Variants in ZMYND8 observed in about 807,000 individuals in gnomAD.
ZMYND8 encodes the protein zinc finger MYND-type containing 8, also known as MYND-type zinc finger-containing chromatin reader ZMYND8.
A neutral mutation model predicts 140.8 loss-of-function variants in ZMYND8; 37 were observed. The ratio of observed to expected loss-of-function variants is 0.26; its 90% CI spans 0.20 to 0.35. The LOEUF is 0.35. Among genes scored for constraint, ZMYND8 ranks in the 10% least tolerant of loss-of-function variants. The probability of loss-of-function intolerance (pLI) is 1.00; values close to 1 mark genes in which losing one functional copy is unlikely to be tolerated. For synonymous variants in ZMYND8, 592 were observed against 597.1 expected, an observed-to-expected ratio of 0.99 and a Z score of 0.12; for missense variants, 1,068 against 1,570.0, an observed-to-expected ratio of 0.68 and a Z score of 5.40.
chr20:47,289,993 A>G (rs1357832499), intron 7 of ZMYND8, among the ~76,000 whole-genome samples, 194 bp downstream of exon 7: 1 of 152,270 alleles, frequency 6.6e-6, no homozygotes, highest in African/African-American at 2.4e-5. Context: ...AGCACCATGC[A>G]GCTGCAAGCC....
chr20:47,300,466 T>C (rs1601715751), intron 3 of ZMYND8, among the ~76,000 whole-genome samples: 2 of 152,342 alleles, frequency 1.3e-5, no homozygotes, highest in African/African-American at 2.4e-5. Context: ...ATACTACGAA[T>C]GGGGATTTAC....
intron 21 of ZMYND8, among the ~76,000 whole-genome samples, chr20:47,215,188 C>G (rs2035900479): frequency 6.6e-6 from 1 of 152,194 alleles, no homozygotes; most frequent in Non-Finnish European, 1.5e-5. Flanking sequence ...ACCTGGGCAA[C>G]ACGGTGAAAC....
chr20:47,217,162 A>T (rs1444874744), intron 21 of ZMYND8, among the ~76,000 whole-genome samples: 1 of 152,138 alleles, frequency 6.6e-6, no homozygotes, highest in African/African-American at 2.4e-5. Context: ...AGGTATAGAA[A>T]CAAGACAGTT....
chr20:47,312,627 T>C (rs1601825055), intron 2 of ZMYND8, among the ~76,000 whole-genome samples: 1 of 151,890 alleles, frequency 6.6e-6, no homozygotes, highest in Non-Finnish European at 1.5e-5. Context: ...ACTTTTGTAC[T>C]AAAAACACAA....
chr20:47,333,741 A>AAAAAC (rs2081159685), intron 2 of ZMYND8, among the ~76,000 whole-genome samples: 3 of 144,618 alleles, frequency 2.1e-5, no homozygotes, highest in African/African-American at 8.0e-5. Flanking sequence ...AAAAAAAAAA[A>AAAAAC]AAAAAAAAAA....
chr20:47,342,704 C>T (rs976284458), intron 2 of ZMYND8, among the ~76,000 whole-genome samples: 6 of 151,900 alleles, frequency 3.9e-5, no homozygotes, highest in African/African-American at 9.7e-5. Flanking sequence ...AAAAATTAGC[C>T]GGGCATGGTG....
At chr20:47,356,622 AG>A (rs1473281267) in intron 1 of ZMYND8, 34 bp downstream of exon 1, 1 of 1,613,868 alleles carries the variant, frequency 6.2e-7, no homozygotes, top group Admixed American at 1.7e-5. Flanking sequence ...TCTCAGAGGG[AG>A]GGGGAAAAAA....
Position 47,220,323 on chromosome 20 carries a change from G to T in ZMYND8, c.3419C>A (p.Thr1140Asn). The change falls in exon 21 of 23, where the codon ACC (threonine) becomes AAC (asparagine). Residue 1140 changes from threonine (T) to asparagine (N), a missense_variant and splice_region_variant. Transcript: ENST00000471951. The stretch of plus-strand genomic sequence containing the variant: ...CTCTCTGGAGCCAGAAAGGTCAAGG[G>T]TCTAGAAATACAAAAAGAAAAAGAT... Reference protein sequence around the residue: ...SAEKSKESGSTLDLSGSRETP... With the variant: ...SAEKSKESGSNLDLSGSRETP... 2.6e-6 allele frequency: 4 copies of T among 1,557,078 alleles called. No individual in the cohort carries two copies. Among genetic ancestry groups the T allele is most frequent in the Non-Finnish European group, 3.5e-6 (4 of 1,149,682 alleles).
Position 47,351,898 on chromosome 20 carries a change from G to C in ZMYND8, c.15-3972C>G. 3.0e-6 allele frequency: 3 copies of C among 985,350 alleles called. 1 individual carries two copies. Among genetic ancestry groups the C allele is most frequent in the Middle Eastern group, 1.0e-3 (2 of 1,914 alleles). The allele number at this position is 985,350 out of a possible 1,614,324, so 61.0% of individuals were successfully genotyped here. On this transcript the variant is annotated intron_variant, in intron 1 of 22. Coordinates refer to ENST00000471951, the MANE Select transcript of ZMYND8 (RefSeq NM_001281775.3). ...CTAAATACCAGAACTAGGAAAAGCT[G>C]AACCAAAGGACACCAACAACCCAAC...
At position 47,318,668 on chromosome 20, in the gene ZMYND8, C is replaced by T. The variant is rs75182658; in HGVS notation, c.86-8464G>A. 1,972 of 453,470 alleles carry T rather than the reference C, an allele frequency of 4.3e-3. 33 individuals are homozygous for T. Among genetic ancestry groups the T allele is most frequent in the African/African-American group, 0.035 (1,773 of 49,954 alleles). 28.1% of individuals were successfully genotyped at this position (453,470 alleles called of 1,614,324 possible). On this transcript the variant is annotated intron_variant, in intron 2 of 22. Transcript: ENST00000471951. ...ACCGTCTCTTAGACCCACAGAAACTCGAGGACCGGTCTGCACCCTGGCTGA... is the reference window on the plus strand; with the variant it reads ...ACCGTCTCTTAGACCCACAGAAACTTGAGGACCGGTCTGCACCCTGGCTGA...
chr20:47,311,874 A>G (rs1242700014), intron 2 of ZMYND8, among the ~76,000 whole-genome samples: 1 of 152,176 alleles, frequency 6.6e-6, no homozygotes. Context: ...CTGTCTCAAA[A>G]ATAATAATAA....
chr20:47,274,089 A>G (rs1177789198), intron 11 of ZMYND8, among the ~76,000 whole-genome samples: 1 of 152,158 alleles, frequency 6.6e-6, no homozygotes, highest in African/African-American at 2.4e-5. Context: ...TTTTCCAGGA[A>G]GTCTGATGTC....
At position 47,236,409 on chromosome 20, in the gene ZMYND8, G is replaced by A. The variant is rs1461000162; in HGVS notation, c.2773C>T (p.Leu925Phe). The A allele has an allele frequency of 6.2e-7, 1 of 1,614,078 alleles. No individual in the cohort carries two copies. The change falls in exon 16 of 23, where the codon CTT becomes TTT. Residue 925 changes from leucine to phenylalanine, a missense_variant. By Grantham distance (22) the Leu-to-Phe change is conservative. Around this residue, in one of 10 missense-constraint regions of ZMYND8, gnomAD observed 383 missense variants for 431.2 expected, o/e 0.89. Transcript: ENST00000471951. ...AGGTCAGCGTTGACTGAGGACACAA[G>A]GGTGCTCATGGACCCCGAGCTGGTG... ...LVTSSGSMSTLVSSVNADLPI... is the reference protein window; with the variant it reads ...LVTSSGSMSTFVSSVNADLPI...
intron 2 of ZMYND8, among the ~76,000 whole-genome samples, chr20:47,334,611 T>C (rs912559184): frequency 6.8e-6 from 1 of 147,494 alleles, no homozygotes; most frequent in Non-Finnish European, 1.5e-5. Flanking sequence ...AAAAAATATA[T>C]ATATATATAT....
chr20:47,310,216 A>G lies in ZMYND8; in HGVS notation c.86-12T>C. On this transcript the variant is annotated splice_polypyrimidine_tract_variant and intron_variant, in intron 2 of 22. Coordinates refer to ENST00000471951, the MANE Select transcript of ZMYND8 (RefSeq NM_001281775.3). ...TGCAGAGCCAGGATCTGAAAGAGAT[A>G]CAGGACCACAGGTTTTAAAGCAGTC... 1 of 1,586,494 alleles carries G rather than the reference A, an allele frequency of 6.3e-7. No homozygotes were observed. The highest frequency in any genetic ancestry group is 1.2e-5 in the South Asian group (1 of 85,866).
At chr20:47,221,112 C>T (rs569991595) in intron 20 of ZMYND8, among the ~76,000 whole-genome samples, 2 of 152,264 alleles carry the variant, frequency 1.3e-5, no homozygotes, top group East Asian at 3.9e-4. Context: ...GGGTCCCCAG[C>T]AGAGAGTACT....
intron 1 of ZMYND8, chr20:47,350,075 A>AG (rs2082646688): frequency 2.2e-6 from 3 of 1,378,866 alleles, no homozygotes; most frequent in African/African-American, 3.0e-5. Context: ...CAGAAGAGAG[A>AG]GGGAAAAAAA....
chr20:47,351,300 A>C lies in ZMYND8; in HGVS notation c.15-3374T>G, dbSNP rs375503215. Among the ~76,000 whole-genome samples, 51 of 152,320 alleles carry C rather than the reference A, an allele frequency of 3.3e-4. 1 individual carries two copies. In the South Asian group the frequency reaches 9.7e-3, roughly 29 times the overall value. On this transcript the variant is annotated intron_variant, in intron 1 of 22. Transcript: ENST00000471951. Reference sequence around the variant, plus strand: ...AACACTTCCAAGAGAGAGAAAAAAGAAAGCATCTAGTTTTGACAGAAAAAT... The same window carrying C: ...AACACTTCCAAGAGAGAGAAAAAAGCAAGCATCTAGTTTTGACAGAAAAAT...
Position 47,246,101 on chromosome 20 carries a change from T to C in ZMYND8, c.2191A>G (p.Ser731Gly). Residue 731 changes from serine (S) to glycine (G), a missense_variant, in exon 14 of 23, where the codon AGC (serine) becomes GGC (glycine). Around this residue, in one of 10 missense-constraint regions of ZMYND8, gnomAD observed 383 missense variants for 431.2 expected, o/e 0.89. Transcript: ENST00000471951. ...TCTCCTAAATCTATGACAAGTTCGC[T>C]CTCTGAATCAGAGTCCAGGCCCAAA... ...VHLGLDSDSE[S>G]ELVIDLGEDH... The C allele has an allele frequency of 1.2e-6, 2 of 1,614,212 alleles. No homozygotes were observed. Among genetic ancestry groups the C allele is most frequent in the Admixed American group, 1.7e-5 (1 of 60,020 alleles).
Sources: gnomAD v4.1 joint callset for allele counts (sites outside exome capture counted in the v4.1 genomes callset) on GRCh38, gnomAD v4.1.1 for gene constraint, gnomAD v4.1.1 regional missense constraint, MANE v1.5 for transcripts, NCBI Gene and HGNC (gene_info 2026-07-23, HGNC 2026-07-21) for gene names.